ERBB4: variants seen among roughly 807,000 people sequenced by gnomAD.
ERBB4 encodes the protein erb-b2 receptor tyrosine kinase 4.
Under a neutral mutation model 158.0 loss-of-function variants are expected in ERBB4, and 42 were observed. The observed-to-expected ratio is 0.27, with a 90% CI of 0.21 to 0.34. ERBB4 has a LOEUF of 0.34. Among genes scored for constraint, ERBB4 ranks in the 10% least tolerant of loss-of-function variants. The pLI, the probability that ERBB4 is intolerant of heterozygous loss-of-function variation, is 1.00. For synonymous variants in ERBB4, 583 were observed against 558.7 expected, an observed-to-expected ratio of 1.04 and a Z score of -0.61; for missense variants, 1,333 against 1,624.1, an observed-to-expected ratio of 0.82 and a Z score of 3.08.
chr2:211,764,874 A>G (rs1012864974), intron 4 of ERBB4, among the ~76,000 whole-genome samples: 5 of 152,198 alleles, frequency 3.3e-5, no homozygotes, highest in Admixed American at 2.0e-4. Flanking sequence ...GAGGACAGGA[A>G]TCCATTAGGC....
At chr2:211,739,890 T>C (rs1336150952) in intron 5 of ERBB4, among the ~76,000 whole-genome samples, 1 of 152,208 alleles carries the variant, frequency 6.6e-6, no homozygotes, top group African/African-American at 2.4e-5. Context: ...TTTCAAAGCA[T>C]GGGCATTTCT....
rs532352468 is a variant in ERBB4, at chr2:212,020,397, T to C, written c.235-72781A>G. ...GCCTTCTCACTTGTTCTACTGGATA[T>C]ATCCAGGTTTACTGAATCCTAGGTC... On this transcript the variant is annotated intron_variant, in intron 2 of 27. Transcript: ENST00000342788. Among the ~76,000 whole-genome samples the C allele has an allele frequency of 6.6e-5, 10 of 152,232 alleles. No homozygotes were observed. In the South Asian group the frequency reaches 1.5e-3, roughly 22 times the overall value.
rs2090664958 is a variant in ERBB4 at position 212,386,126 on chromosome 2, T to C, written c.82+152323A>G. On this transcript the variant is annotated intron_variant, in intron 1 of 27. Transcript: ENST00000342788. ...TGTCATCCTTTACCACTTGATAGCT[T>C]TTAAAATACAAAAAAAAAAAATACA... 2.0e-5 allele frequency among the ~76,000 whole-genome samples: 3 copies of C among 150,952 alleles called. No homozygotes were observed. The South Asian group carries it at 6.2e-4, about 31-fold the overall frequency.
chr2:211,554,816 T>G (rs1460991899), intron 20 of ERBB4, among the ~76,000 whole-genome samples: 2 of 152,242 alleles, frequency 1.3e-5, no homozygotes, highest in East Asian at 3.9e-4. Context: ...TAATCAAAGC[T>G]GAACCCATAC....
At chr2:211,976,210 C>A (rs2081601428) in intron 2 of ERBB4, among the ~76,000 whole-genome samples, 2 of 152,060 alleles carry the variant, frequency 1.3e-5, no homozygotes, top group African/African-American at 4.8e-5. Flanking sequence ...ATAGATAAAT[C>A]TGTAATAAAG....
intron 2 of ERBB4, among the ~76,000 whole-genome samples, chr2:212,015,045 T>C (rs58774417): frequency 1.0e-4 from 1 of 9,952 alleles, no homozygotes; most frequent in African/African-American, 4.3e-4. Flanking sequence ...AAAAAAAATA[T>C]ATATATATAT....
At chr2:211,484,414 GAC>G (rs761330854) in intron 20 of ERBB4, among the ~76,000 whole-genome samples, 4 of 152,054 alleles carry the variant, frequency 2.6e-5, no homozygotes, top group African/African-American at 7.2e-5. Context: ...CTGATGAAAA[GAC>G]AGAGATTGTT....
chr2:211,459,806 A>G (rs1335464513), intron 20 of ERBB4, among the ~76,000 whole-genome samples: 1 of 152,172 alleles, frequency 6.6e-6, no homozygotes, highest in Non-Finnish European at 1.5e-5. Context: ...TACAGGAGGG[A>G]AAGAAGTCAT....
intron 1 of ERBB4, among the ~76,000 whole-genome samples, chr2:212,296,919 A>C (rs1312626537): frequency 6.6e-6 from 1 of 151,922 alleles, no homozygotes; most frequent in Non-Finnish European, 1.5e-5. Context: ...TCATGATTTC[A>C]ACTCTCCTTG....
At chr2:212,439,665 T>C (rs1441159736) in intron 1 of ERBB4, among the ~76,000 whole-genome samples, 1 of 152,150 alleles carries the variant, frequency 6.6e-6, no homozygotes, top group African/African-American at 2.4e-5. Context: ...AATAATGCGA[T>C]ACAAAGTTTC....
chr2:212,048,295 G>C (rs986205099), intron 2 of ERBB4, among the ~76,000 whole-genome samples: 1 of 152,192 alleles, frequency 6.6e-6, no homozygotes, highest in Non-Finnish European at 1.5e-5. Flanking sequence ...TTAAGTGGTG[G>C]AGTGATGACA....
At chr2:212,145,320 C>T (rs1385069048) in intron 1 of ERBB4, among the ~76,000 whole-genome samples, 1 of 152,018 alleles carries the variant, frequency 6.6e-6, no homozygotes, top group Non-Finnish European at 1.5e-5. Flanking sequence ...TATTCATTCA[C>T]ACTATCAGAG....
At chr2:212,316,176 C>T (rs113029793) in intron 1 of ERBB4, among the ~76,000 whole-genome samples, 3,677 of 151,468 alleles carry the variant, frequency 0.024, 64 homozygotes, top group Non-Finnish European at 0.037. Flanking sequence ...TACTTTTCTC[C>T]TAATACTATC....
At chr2:211,936,875 A>G (rs181938031) in intron 3 of ERBB4, among the ~76,000 whole-genome samples, 57 of 152,286 alleles carry the variant, frequency 3.7e-4, no homozygotes, top group African/African-American at 1.3e-3. Context: ...ATTCTCATTT[A>G]TCTATTTCCT....
intron 2 of ERBB4, among the ~76,000 whole-genome samples, chr2:212,059,400 T>A (rs1045246576): frequency 1.3e-5 from 2 of 152,158 alleles, no homozygotes; most frequent in Admixed American, 1.3e-4. Context: ...GCCATCCCCA[T>A]CAAGCTACCA....
At chr2:211,483,519 TTTTG>T (rs905187094) in intron 20 of ERBB4, among the ~76,000 whole-genome samples, 3 of 151,944 alleles carry the variant, frequency 2.0e-5, no homozygotes, top group Admixed American at 6.6e-5. Flanking sequence ...ACATTTCTTT[TTTTG>T]TTTGTTTTTC....
chr2:212,365,035 A>T (rs1451285616), intron 1 of ERBB4, among the ~76,000 whole-genome samples: 1 of 151,664 alleles, frequency 6.6e-6, no homozygotes, highest in Non-Finnish European at 1.5e-5. Context: ...ATTTAAAGTC[A>T]AATATTTTAT....
intron 20 of ERBB4, among the ~76,000 whole-genome samples, chr2:211,513,047 T>C (rs1023309278): frequency 3.9e-5 from 6 of 152,168 alleles, no homozygotes; most frequent in South Asian, 2.1e-4. Flanking sequence ...GTTGGAGATC[T>C]ACCTCTTAGG....
chr2:211,408,460 T>C (rs1032562574), intron 25 of ERBB4, among the ~76,000 whole-genome samples: 5 of 152,210 alleles, frequency 3.3e-5, no homozygotes, highest in African/African-American at 1.2e-4. Flanking sequence ...TTTCAACTGT[T>C]CAGAAAGGCT....
Sources: gnomAD v4.1 joint callset for allele counts (sites outside exome capture counted in the v4.1 genomes callset) on GRCh38, gnomAD v4.1.1 for gene constraint, MANE v1.5 for transcripts, NCBI Gene and HGNC (gene_info 2026-07-23, HGNC 2026-07-21) for gene names.